Variants in SH3BP4 observed in about 807,000 individuals in gnomAD.
The protein encoded by SH3BP4 is SH3 domain binding protein 4.
SH3BP4 carries 33 observed loss-of-function variants against 65.5 expected under a neutral mutation model. The ratio of observed to expected loss-of-function variants is 0.50; its 90% CI spans 0.38 to 0.67. SH3BP4 has a LOEUF of 0.67. Among genes scored for constraint, SH3BP4 ranks in the 30% least tolerant of loss-of-function variants. The pLI is 0.00. For synonymous variants in SH3BP4, 552 were observed against 545.5 expected, an observed-to-expected ratio of 1.01 and a Z score of -0.17; for missense variants, 1,134 against 1,261.4, an observed-to-expected ratio of 0.90 and a Z score of 1.53.
In SH3BP4 at chr2:235,054,022, T is replaced by C. The variant is rs1328024954; in HGVS notation, c.*206T>C. 4 of 524,294 alleles carry C rather than the reference T, an allele frequency of 7.6e-6. No individual in the cohort carries two copies. Among genetic ancestry groups the C allele is most frequent in the Non-Finnish European group, 1.4e-5 (4 of 294,956 alleles). 32.5% of individuals were successfully genotyped at this position (524,294 alleles called of 1,614,324 possible). Reference sequence around the variant, plus strand: ...ACTGCCTACTGCAGCTCGTTGCCAATCACATAGCTTTCTATTTGTTAAGTA... The same window carrying C: ...ACTGCCTACTGCAGCTCGTTGCCAACCACATAGCTTTCTATTTGTTAAGTA... On this transcript the variant is annotated 3_prime_UTR_variant, in exon 6 of 6. Coordinates refer to ENST00000392011, the MANE Select transcript of SH3BP4 (RefSeq NM_014521.3).
rs1692880886 is a variant in SH3BP4, at chr2:234,967,909, C to T, written c.-207+15739C>T. Reference sequence around the variant, plus strand: ...TACTTTGTGGGGCTTCTCTGATTGGCCATTGTGTGTTCATCTAAGAGTTAG... The same window carrying T: ...TACTTTGTGGGGCTTCTCTGATTGGTCATTGTGTGTTCATCTAAGAGTTAG... On this transcript the variant is annotated intron_variant, in intron 1 of 5. Coordinates refer to ENST00000392011, the MANE Select transcript of SH3BP4 (RefSeq NM_014521.3). The surrounding 1 kb of genome is among the most constrained non-coding windows in gnomAD (Gnocchi z 4.6). 6.6e-6 allele frequency among the ~76,000 whole-genome samples: 1 copy of T among 152,164 alleles called. No homozygotes were observed. The highest frequency in any genetic ancestry group is 1.5e-5 in the Non-Finnish European group (1 of 68,016).
At chr2:234,988,667 G>GA (rs1273015892) in intron 1 of SH3BP4, among the ~76,000 whole-genome samples, 1 of 152,154 alleles carries the variant, frequency 6.6e-6, no homozygotes, top group Non-Finnish European at 1.5e-5. Flanking sequence ...GGCGTTCAGA[G>GA]AAGGCAGCCA....
chr2:235,040,797 C>T, intron 3 of SH3BP4, 91 bp from the exon 4 acceptor site: 1 of 1,109,962 alleles, frequency 9.0e-7, no homozygotes, highest in Non-Finnish European at 1.3e-6. Flanking sequence ...GTGCACCTGT[C>T]TGTTTACCAC....
rs1574776487 is a variant in SH3BP4 at position 234,967,211 on chromosome 2, C to G, written c.-207+15041C>G. Reference sequence around the variant, plus strand: ...GTCTCAACCATGATACTGTTCTCCCCTACACGGGGGGCCAGGTCTCAATTC... The same window carrying G: ...GTCTCAACCATGATACTGTTCTCCCGTACACGGGGGGCCAGGTCTCAATTC... On this transcript the variant is annotated intron_variant, in intron 1 of 5. Transcript: ENST00000392011. The surrounding 1 kb of genome is among the most constrained non-coding windows in gnomAD (Gnocchi z 4.6). 6.6e-6 allele frequency among the ~76,000 whole-genome samples: 1 copy of G among 152,180 alleles called. No individual in the cohort carries two copies. Among genetic ancestry groups the G allele is most frequent in the South Asian group, 2.1e-4 (1 of 4,824 alleles).
chr2:235,006,655 T>C (rs1694305612), intron 2 of SH3BP4, among the ~76,000 whole-genome samples: 1 of 152,132 alleles, frequency 6.6e-6, no homozygotes, highest in African/African-American at 2.4e-5. Flanking sequence ...AGATTTCTGC[T>C]GGGCCAGCAC....
At position 235,033,885 on chromosome 2, in the gene SH3BP4, A is replaced by C. The variant is rs1433578342; in HGVS notation, c.-132-986A>C. On this transcript the variant is annotated intron_variant, in intron 2 of 5. Coordinates refer to ENST00000392011, the MANE Select transcript of SH3BP4 (RefSeq NM_014521.3). The surrounding 1 kb of genome is among the most constrained non-coding windows in gnomAD (Gnocchi z 5.7). ...AAGCTACATTCTCAGCTGTCCCTGG[A>C]TAGAGGAATTGAGGAAAAAGGGACC... 6.6e-6 allele frequency among the ~76,000 whole-genome samples: 1 copy of C among 152,160 alleles called. No homozygotes were observed. The highest frequency in any genetic ancestry group is 6.5e-5 in the Admixed American group (1 of 15,280).
At position 235,041,400 on chromosome 2, in the gene SH3BP4, A is replaced by C. The variant is rs780981567; in HGVS notation, c.631A>C (p.Asn211His). The change falls in exon 4 of 6, where the codon AAT becomes CAT. Residue 211 changes from asparagine (N) to histidine (H), a missense_variant. Asn to His is a moderately conservative substitution (Grantham distance 68). Transcript: ENST00000392011. This position sits in a 1 kb window ranked among gnomAD's most constrained non-coding sequence, Gnocchi z 6.0. Reference sequence around the variant, plus strand: ...CACCGAATCCAGCTCAGCCACCACGAATAGCACTGGCAACATCTTCGATGA... The same window carrying C: ...CACCGAATCCAGCTCAGCCACCACGCATAGCACTGGCAACATCTTCGATGA... ...SFTESSSATT[N>H]STGNIFDELP... The C allele has an allele frequency of 6.2e-7, 1 of 1,614,174 alleles. No homozygotes were observed. Among genetic ancestry groups the C allele is most frequent in the South Asian group, 1.1e-5 (1 of 91,082 alleles).
At chr2:235,001,149 G>A (rs75355378) in intron 2 of SH3BP4, among the ~76,000 whole-genome samples, 22,673 of 152,220 alleles carry the variant, frequency 0.15, 2,000 homozygotes, top group Non-Finnish European at 0.2. Context: ...TGCTCTTCCC[G>A]GCCTTGGTCT....
chr2:234,952,703 A>G lies in SH3BP4; in HGVS notation c.-207+533A>G, dbSNP rs1004024586. On this transcript the variant is annotated intron_variant, in intron 1 of 5. Coordinates refer to ENST00000392011, the MANE Select transcript of SH3BP4 (RefSeq NM_014521.3). The surrounding 1 kb of genome is among the most constrained non-coding windows in gnomAD (Gnocchi z 6.5). Reference sequence around the variant, plus strand: ...CTTGTTGGTGACAATGCATATTTCAACTTCTTCGGAGATCCCTCCTGTGAG... The same window carrying G: ...CTTGTTGGTGACAATGCATATTTCAGCTTCTTCGGAGATCCCTCCTGTGAG... 5 of 152,070 alleles carry G rather than the reference A, an allele frequency of 3.3e-5. No individual in the cohort carries two copies. The highest frequency in any genetic ancestry group is 9.7e-5 in the African/African-American group (4 of 41,430). The allele number at this position is 152,070 out of a possible 1,614,324, so 9.4% of individuals were successfully genotyped here.
In SH3BP4 at chr2:235,042,852, G is replaced by A; in HGVS notation, c.2083G>A (p.Gly695Ser). The A allele has an allele frequency of 6.2e-7, 1 of 1,613,828 alleles. No homozygotes were observed. Among genetic ancestry groups the A allele is most frequent in the Non-Finnish European group, 8.5e-7 (1 of 1,180,022 alleles). Residue 695 changes from glycine (G) to serine (S), a missense_variant, in exon 4 of 6, where the codon GGC (glycine) becomes AGC (serine). Physicochemically the swap from Gly to Ser is moderately conservative, Grantham distance 56 (BLOSUM62 0). Transcript: ENST00000392011. This position sits in a 1 kb window ranked among gnomAD's most constrained non-coding sequence, Gnocchi z 7.3. ...LLSEERVRLR[G>S]QLWTKEWYIG... ...CAGCGAGGAGCGGGTCAGGCTCCGG[G>A]GCCAGCTGTGGACCAAGGAGTGGTA... is the stretch of plus-strand genomic sequence containing the variant.
At position 235,046,178 on chromosome 2, in the gene SH3BP4, C is replaced by T. The variant is rs1178672770; in HGVS notation, c.2478+2931C>T. ...CTTTCCCAGACCTCCTCATCTCCCT[C>T]AGCTGCCAGCTCAAATGCCGTCTCT... On this transcript the variant is annotated intron_variant, in intron 4 of 5. Coordinates refer to ENST00000392011, the MANE Select transcript of SH3BP4 (RefSeq NM_014521.3). The surrounding 1 kb of genome is among the most constrained non-coding windows in gnomAD (Gnocchi z 4.2). Among the ~76,000 whole-genome samples, 2 of 152,192 alleles carry T rather than the reference C, an allele frequency of 1.3e-5. No homozygotes were observed. Among genetic ancestry groups the T allele is most frequent in the African/African-American group, 2.4e-5 (1 of 41,458 alleles).
rs891774892 is a variant in SH3BP4, at chr2:234,997,847, G to A, written c.-133+2471G>A. Among the ~76,000 whole-genome samples the A allele has an allele frequency of 6.6e-6, 1 of 152,222 alleles. No individual in the cohort carries two copies. Among genetic ancestry groups the A allele is most frequent in the Non-Finnish European group, 1.5e-5 (1 of 68,046 alleles). Reference sequence around the variant, plus strand: ...TGATTAAGAAGAATCAGAAGACTGGGTGCGGTGGCTCATGCCTGTAATCCC... The same window carrying A: ...TGATTAAGAAGAATCAGAAGACTGGATGCGGTGGCTCATGCCTGTAATCCC... On this transcript the variant is annotated intron_variant, in intron 2 of 5. Coordinates refer to ENST00000392011, the MANE Select transcript of SH3BP4 (RefSeq NM_014521.3). This position sits in a 1 kb window ranked among gnomAD's most constrained non-coding sequence, Gnocchi z 4.2.
chr2:235,015,882 G>GT, intron 2 of SH3BP4, among the ~76,000 whole-genome samples: 1 of 152,098 alleles, frequency 6.6e-6, no homozygotes, highest in Non-Finnish European at 1.5e-5. Context: ...ACAGCCATGG[G>GT]CGCCTTGCTA....
chr2:234,993,072 A>G (rs1333448361), intron 1 of SH3BP4, among the ~76,000 whole-genome samples: 3 of 152,192 alleles, frequency 2.0e-5, no homozygotes, highest in Non-Finnish European at 4.4e-5. Flanking sequence ...GTTCCTGTGA[A>G]GGGAGCTGGG....
intron 4 of SH3BP4, among the ~76,000 whole-genome samples, chr2:235,050,179 G>A (rs906210851): frequency 1.3e-5 from 2 of 151,746 alleles, no homozygotes; most frequent in African/African-American, 2.4e-5. Flanking sequence ...GCAGTGGCGC[G>A]ATCTCAGCTC....
Position 235,045,576 on chromosome 2 carries a change from T to C in SH3BP4, c.2478+2329T>C, listed in dbSNP as rs764505982. Among the ~76,000 whole-genome samples the C allele has an allele frequency of 2.1e-4, 32 of 152,120 alleles. No homozygotes were observed. Among genetic ancestry groups the C allele is most frequent in the Non-Finnish European group, 3.4e-4 (23 of 68,038 alleles). ...GGCTCCCTGAGGCAAGGTTAGATTT[T>C]GTGGTGATAAAGTGAAACTGGTTTT... On this transcript the variant is annotated intron_variant, in intron 4 of 5. Transcript: ENST00000392011. The surrounding 1 kb of genome is among the most constrained non-coding windows in gnomAD (Gnocchi z 4.3).
rs753730863 is a variant in SH3BP4 at position 235,041,648 on chromosome 2, G to A, written c.879G>A (p.Leu293=). ...CTGCCTGGCTAAACCACAGGAAGCT[G>A]GCCCGGTCTTGCCACGACCTGGACT... ...FRTAWLNHRK[L]ARSCHDLDLL... is the part of the protein sequence containing the mutation. The change falls in exon 4 of 6, where the codon CTG becomes CTA. Residue 293 remains leucine, a synonymous_variant. Transcript: ENST00000392011. This position sits in a 1 kb window ranked among gnomAD's most constrained non-coding sequence, Gnocchi z 6.0. 3 of 1,613,846 alleles carry A rather than the reference G, an allele frequency of 1.9e-6. No homozygotes were observed. Among genetic ancestry groups the A allele is most frequent in the Non-Finnish European group, 2.5e-6 (3 of 1,180,004 alleles).
intron 1 of SH3BP4, among the ~76,000 whole-genome samples, chr2:234,983,684 A>G (rs1223816084): frequency 6.6e-6 from 1 of 152,184 alleles, no homozygotes; most frequent in Non-Finnish European, 1.5e-5. Context: ...AAATGTTATC[A>G]CGGGTCTTTT....
In SH3BP4 at chr2:235,054,082, G is replaced by T; in HGVS notation, c.*266G>T. 2.4e-6 allele frequency: 1 copy of T among 408,736 alleles called. No individual in the cohort carries two copies. The highest frequency in any genetic ancestry group is 4.4e-6 in the Non-Finnish European group (1 of 227,146). 25.3% of individuals were successfully genotyped at this position (408,736 alleles called of 1,614,324 possible). On this transcript the variant is annotated 3_prime_UTR_variant, in exon 6 of 6. Transcript: ENST00000392011. ...ATTTAAAATCACTTTTTTAACGAAT[G>T]GGGGGAAGGGATCTATGAGAAAGGT...
Sources: gnomAD v4.1 joint callset for allele counts (sites outside exome capture counted in the v4.1 genomes callset) on GRCh38, gnomAD v4.1.1 for gene constraint, Gnocchi (gnomAD v3.1) non-coding constraint, MANE v1.5 for transcripts, NCBI Gene and HGNC (gene_info 2026-07-23, HGNC 2026-07-21) for gene names.